The following TIMP3 variants were observed in gnomAD, a reference collection of about 807,000 sequenced individuals.
TIMP3 encodes metalloproteinase inhibitor 3.
A neutral mutation model predicts 30.0 loss-of-function variants in TIMP3; 11 were observed. The ratio of observed to expected loss-of-function variants is 0.37; its 90% CI spans 0.23 to 0.61. The LOEUF (loss-of-function observed/expected upper bound fraction) is 0.61. Among genes scored for constraint, TIMP3 ranks in the 20% least tolerant of loss-of-function variants. The pLI is 0.70. For missense variants in TIMP3, 181 were observed against 276.8 expected (o/e 0.65, Z 2.45); for synonymous variants, 112 against 111.3 (o/e 1.01, Z -0.04).
In TIMP3 at chr22:32,813,306, T is replaced by C. The variant is rs956627764; in HGVS notation, c.121+11184T>C. ...CAGCATCTGAGCTTTGGCTTTGGAG[T>C]TGGGGAGACAATAGAGAGTGGCAGT... On this transcript the variant is annotated intron_variant, in intron 1 of 4. Transcript: ENST00000266085. Among the ~76,000 whole-genome samples, 7 of 152,022 alleles carry C rather than the reference T, an allele frequency of 4.6e-5. No individual in the cohort carries two copies. The South Asian group carries it at 6.3e-4, about 14-fold the overall frequency.
At chr22:32,855,524 T>C (rs2048338883) in intron 2 of TIMP3, among the ~76,000 whole-genome samples, 1 of 152,164 alleles carries the variant, frequency 6.6e-6, no homozygotes, top group Non-Finnish European at 1.5e-5. Flanking sequence ...TGTGTGGCCT[T>C]AACAAGCTAC....
intron 1 of TIMP3, among the ~76,000 whole-genome samples, chr22:32,810,946 T>G (rs919137234): frequency 2.0e-5 from 3 of 152,158 alleles, no homozygotes; most frequent in African/African-American, 7.2e-5. Flanking sequence ...CTTGGGCAGG[T>G]TCTTTGCCTC....
At chr22:32,827,193 A>G (rs927417883) in intron 1 of TIMP3, among the ~76,000 whole-genome samples, 1 of 152,218 alleles carries the variant, frequency 6.6e-6, no homozygotes, top group Non-Finnish European at 1.5e-5. Context: ...GAATTCAGCG[A>G]GTGACTTTGC....
rs906419308 is a variant in TIMP3, at chr22:32,862,794, T to A, written c.*3417T>A. ...TTCTTAGATTCTCCCAGCATCCGCC[T>A]TTCCCTTTAGCCAGTCTGCTGTCCT... On this transcript the variant is annotated 3_prime_UTR_variant, in exon 5 of 5. Transcript: ENST00000266085. 6.6e-6 allele frequency: 1 copy of A among 152,628 alleles called. No homozygotes were observed. Among genetic ancestry groups the A allele is most frequent in the African/African-American group, 2.4e-5 (1 of 41,456 alleles). 9.5% of individuals were successfully genotyped at this position (152,628 alleles called of 1,614,324 possible).
intron 2 of TIMP3, among the ~76,000 whole-genome samples, chr22:32,852,766 T>G (rs530647187): frequency 3.7e-4 from 57 of 152,006 alleles, no homozygotes; most frequent in Non-Finnish European, 6.3e-4. Flanking sequence ...AGCAGGGTGT[T>G]AGAATGTTGA....
intron 1 of TIMP3, among the ~76,000 whole-genome samples, chr22:32,807,895 T>TA (rs2145969454): frequency 6.6e-6 from 1 of 152,298 alleles, no homozygotes; most frequent in South Asian, 2.1e-4. Flanking sequence ...GGAGGAATGT[T>TA]AGAGCCCTGT....
At chr22:32,804,299 G>A (rs528240162) in intron 1 of TIMP3, among the ~76,000 whole-genome samples, 1 of 152,174 alleles carries the variant, frequency 6.6e-6, no homozygotes, top group Admixed American at 6.5e-5. Context: ...GACCTCCCTC[G>A]CCTTGCACAG....
chr22:32,859,453 T>C lies in TIMP3; in HGVS notation c.*76T>C, dbSNP rs949483358. 7.0e-5 allele frequency: 107 copies of C among 1,519,140 alleles called. No individual in the cohort carries two copies. The highest frequency in any genetic ancestry group is 8.7e-5 in the Non-Finnish European group (98 of 1,131,290). 94.1% of individuals were successfully genotyped at this position (1,519,140 alleles called of 1,614,324 possible). On this transcript the variant is annotated 3_prime_UTR_variant, in exon 5 of 5. Coordinates refer to ENST00000266085, the MANE Select transcript of TIMP3 (RefSeq NM_000362.5). Reference sequence around the variant, plus strand: ...TTGGACACTAACTCTTCCCAGATGATGACAATGAAATTAGTGCCTGTTTTC... The same window carrying C: ...TTGGACACTAACTCTTCCCAGATGACGACAATGAAATTAGTGCCTGTTTTC...
chr22:32,851,182 G>A (rs573744728), intron 2 of TIMP3, among the ~76,000 whole-genome samples: 3 of 152,150 alleles, frequency 2.0e-5, no homozygotes, highest in South Asian at 4.1e-4. Context: ...GACAGCGCGG[G>A]AATGCCAAAG....
chr22:32,857,198 C>A, intron 2 of TIMP3, 51 bp from the exon 3 acceptor site: 1 of 1,388,796 alleles, frequency 7.2e-7, no homozygotes, highest in Non-Finnish European at 1.0e-6. Context: ...AGGGATCATA[C>A]GGGTGTCCAA....
rs746861648 is a variant in TIMP3 at position 32,805,512 on chromosome 22, T to C, written c.121+3390T>C. ...AAGTCTGGGGGACCCAGGCTGTGGATGTCTTGGAACCATGGAAGGAGGAGA... is the reference window on the plus strand; with the variant it reads ...AAGTCTGGGGGACCCAGGCTGTGGACGTCTTGGAACCATGGAAGGAGGAGA... On this transcript the variant is annotated intron_variant, in intron 1 of 4. Coordinates refer to ENST00000266085, the MANE Select transcript of TIMP3 (RefSeq NM_000362.5). 5.8e-4 allele frequency among the ~76,000 whole-genome samples: 89 copies of C among 152,236 alleles called. 1 individual carries two copies. Among genetic ancestry groups the C allele is most frequent in the Non-Finnish European group, 6.8e-4 (46 of 68,018 alleles).
intron 1 of TIMP3, among the ~76,000 whole-genome samples, chr22:32,834,341 T>C (rs2047669105): frequency 6.6e-6 from 1 of 152,152 alleles, no homozygotes; most frequent in Admixed American, 6.5e-5. Flanking sequence ...TTTTGTATTT[T>C]TAGTAGAAAC....
At chr22:32,821,138 G>A (rs545214471) in intron 1 of TIMP3, among the ~76,000 whole-genome samples, 26 of 152,156 alleles carry the variant, frequency 1.7e-4, no homozygotes, top group Non-Finnish European at 3.4e-4. Flanking sequence ...CAAAAGAGAT[G>A]AACTTAGAGT....
At chr22:32,811,439 A>G (rs1049579972) in intron 1 of TIMP3, among the ~76,000 whole-genome samples, 1 of 152,174 alleles carries the variant, frequency 6.6e-6, no homozygotes, top group Admixed American at 6.5e-5. Context: ...GGTGAGGAAA[A>G]TGGCGCTCTG....
intron 2 of TIMP3, among the ~76,000 whole-genome samples, chr22:32,855,315 C>T (rs2048333935): frequency 6.6e-6 from 1 of 152,194 alleles, no homozygotes; most frequent in Admixed American, 6.5e-5. Context: ...CATTCATTCA[C>T]CCCAGTGACT....
chr22:32,814,129 TGTGTGTGTGTGTGAGA>T (rs1229362572), intron 1 of TIMP3, among the ~76,000 whole-genome samples: 9 of 137,522 alleles, frequency 6.5e-5, no homozygotes, highest in African/African-American at 2.2e-4. Flanking sequence ...TGTGTGTGTG[TGTGTGTGTGTGTGAGA>T]GAGAGAGAGA....
At chr22:32,814,396 G>A (rs1224411744) in intron 1 of TIMP3, among the ~76,000 whole-genome samples, 1 of 108,200 alleles carries the variant, frequency 9.2e-6, no homozygotes, top group Non-Finnish European at 1.9e-5. Flanking sequence ...AACATTGGGA[G>A]CTGAGCTTAA....
intron 1 of TIMP3, among the ~76,000 whole-genome samples, chr22:32,830,114 T>G (rs1310120110): frequency 6.6e-6 from 1 of 152,206 alleles, no homozygotes; most frequent in Non-Finnish European, 1.5e-5. Flanking sequence ...GCTGTGAGCT[T>G]GCACGGCCCA....
At chr22:32,814,139 T>A (rs55949211) in intron 1 of TIMP3, among the ~76,000 whole-genome samples, 15,375 of 89,840 alleles carry the variant, frequency 0.17, 1,177 homozygotes, top group African/African-American at 0.28. Context: ...TGTGTGTGTG[T>A]GTGAGAGAGA....
Sources: allele counts gnomAD v4.1 joint callset (sites outside exome capture counted in the v4.1 genomes callset), GRCh38; gene constraint gnomAD v4.1.1; transcripts MANE v1.5; gene names NCBI Gene and HGNC (gene_info 2026-07-23, HGNC 2026-07-21).